The following GRTP1 variants were observed in gnomAD, a reference collection of about 807,000 sequenced individuals.
GRTP1 encodes growth hormone-regulated TBC protein 1.
Under a neutral mutation model 38.1 loss-of-function variants are expected in GRTP1, and 56 were observed. The ratio of observed to expected loss-of-function variants is 1.47; its 90% CI spans 1.19 to 1.84. The LOEUF is 1.84. Ranked by LOEUF, GRTP1 falls within the 40% of genes most tolerant of loss-of-function variation. The probability of loss-of-function intolerance (pLI) is 0.00; values close to 1 mark genes in which losing one functional copy is unlikely to be tolerated. For synonymous variants in GRTP1, 217 were observed against 189.5 expected (o/e 1.14, Z -1.19); for missense variants, 506 against 453.9 (o/e 1.11, Z -1.04).
At chr13:113,347,995 C>CT (rs2043198405) in intron 4 of GRTP1, among the ~76,000 whole-genome samples, 1 of 147,512 alleles carries the variant, frequency 6.8e-6, no homozygotes. Flanking sequence ...CCTGGGAGGA[C>CT]CTGTGTGGCT....
At chr13:113,344,760 C>G (rs886649546) in intron 5 of GRTP1, 103 bp downstream of exon 5, 14 of 413,008 alleles carry the variant, frequency 3.4e-5, no homozygotes, top group Non-Finnish European at 5.8e-5. Flanking sequence ...ATCTCCCAAA[C>G]AATTCAACCA....
At chr13:113,346,493 AGTG>A (rs1421752935) in intron 4 of GRTP1, among the ~76,000 whole-genome samples, 1 of 12,356 alleles carries the variant, frequency 8.1e-5, no homozygotes, top group African/African-American at 9.0e-5. Context: ...TGTGCCTGAC[AGTG>A]GACCCGGGAG....
chr13:113,358,131 G>C (rs1203653809), intron 2 of GRTP1, among the ~76,000 whole-genome samples: 1 of 152,156 alleles, frequency 6.6e-6, no homozygotes, highest in East Asian at 1.9e-4. Context: ...GCAGTGAGCT[G>C]AGATTGCACC....
chr13:113,327,542 G>T (rs544426263), intron 5 of GRTP1, among the ~76,000 whole-genome samples: 3 of 152,314 alleles, frequency 2.0e-5, no homozygotes, highest in African/African-American at 7.2e-5. Flanking sequence ...CAACATCACG[G>T]TCCTGTCACT....
At chr13:113,335,110 C>T (rs1380365513) in intron 5 of GRTP1, among the ~76,000 whole-genome samples, 1 of 152,104 alleles carries the variant, frequency 6.6e-6, no homozygotes, top group Non-Finnish European at 1.5e-5. Context: ...GCATGAGCAC[C>T]ATGCCTGGCC....
chr13:113,325,442 C>G, intron 7 of GRTP1: 1 of 1,445,174 alleles, frequency 6.9e-7, no homozygotes, highest in Non-Finnish European at 9.0e-7. Flanking sequence ...GAGCAGCGTC[C>G]GCAGTGCCAG....
intron 2 of GRTP1, among the ~76,000 whole-genome samples, chr13:113,356,108 G>A (rs895556068): frequency 2.6e-5 from 4 of 152,108 alleles, no homozygotes; most frequent in East Asian, 1.9e-4. Flanking sequence ...TAATTTCTTA[G>A]GCAGATGGAA....
chr13:113,347,283 C>T (rs140937707), intron 4 of GRTP1, among the ~76,000 whole-genome samples: 32 of 41,390 alleles, frequency 7.7e-4, no homozygotes, highest in South Asian at 1.5e-3. Context: ...CCCGGGAGGA[C>T]CTCTGTGGCT....
chr13:113,357,824 G>A (rs949200612), intron 2 of GRTP1, among the ~76,000 whole-genome samples: 1 of 152,174 alleles, frequency 6.6e-6, no homozygotes, highest in Non-Finnish European at 1.5e-5. Context: ...GCAGAAAGGA[G>A]AGGCCATGCA....
chr13:113,341,715 A>G (rs1157423568), intron 5 of GRTP1, among the ~76,000 whole-genome samples: 1 of 152,172 alleles, frequency 6.6e-6, no homozygotes, highest in Non-Finnish European at 1.5e-5. Context: ...ATATCGGTCT[A>G]TAAAAACTCT....
intron 2 of GRTP1, among the ~76,000 whole-genome samples, chr13:113,358,103 A>G (rs546833283): frequency 3.5e-4 from 54 of 152,248 alleles, no homozygotes; most frequent in African/African-American, 1.2e-3. Context: ...AATCGCTTGA[A>G]CCTGGGAGGC....
chr13:113,358,665 A>G (rs1216946205), intron 2 of GRTP1, among the ~76,000 whole-genome samples: 2 of 152,264 alleles, frequency 1.3e-5, no homozygotes, highest in African/African-American at 4.8e-5. Flanking sequence ...CCACACAAAC[A>G]GAACCAATTG....
Position 113,325,860 on chromosome 13 carries a change from G to A in GRTP1, c.736-14C>T, listed in dbSNP as rs752049578. 3.7e-6 allele frequency: 6 copies of A among 1,613,754 alleles called. No homozygotes were observed. Among genetic ancestry groups the A allele is most frequent in the Non-Finnish European group, 5.1e-6 (6 of 1,179,878 alleles). On this transcript the variant is annotated splice_polypyrimidine_tract_variant and intron_variant, in intron 6 of 7. Coordinates refer to ENST00000375431, the MANE Select transcript of GRTP1 (RefSeq NM_024719.4). ...CCGAAGCACTGTCTGCAGAGACATG[G>A]GAACCCGGTGTCACTCCCTGGCGGC... is the stretch of plus-strand genomic sequence containing the variant.
intron 5 of GRTP1, among the ~76,000 whole-genome samples, chr13:113,330,346 G>A (rs553090958): frequency 1.0e-3 from 131 of 129,338 alleles, no homozygotes; most frequent in African/African-American, 4.0e-3. Flanking sequence ...GTGTGTGCAT[G>A]GGAGCCCAGG....
At chr13:113,347,714 A>G (rs1320327133) in intron 4 of GRTP1, among the ~76,000 whole-genome samples, 2 of 102,098 alleles carry the variant, frequency 2.0e-5, no homozygotes, top group African/African-American at 8.3e-5. Flanking sequence ...GGCAGAGAGC[A>G]GACCCGGGAG....
At chr13:113,341,086 G>A (rs9604073) in intron 5 of GRTP1, among the ~76,000 whole-genome samples, 20 of 146,896 alleles carry the variant, frequency 1.4e-4, no homozygotes, top group African/African-American at 4.8e-4. Flanking sequence ...TCACTCTGTC[G>A]CCCAGGCTGG....
At chr13:113,336,348 A>AAAACAAACAAAC (rs61192086) in intron 5 of GRTP1, among the ~76,000 whole-genome samples, 144,622 of 149,594 alleles carry the variant, frequency 0.97, 70,046 homozygotes, top group South Asian at 1. Flanking sequence ...ATTTAATTAA[A>AAAACAAACAAAC]AAACAAACAA....
chr13:113,334,280 A>ACTGCCCCCCCCCCCCCCCCCCCCCCCCC (rs1202504022), intron 5 of GRTP1, among the ~76,000 whole-genome samples: 1 of 142,576 alleles, frequency 7.0e-6, no homozygotes, highest in Non-Finnish European at 1.5e-5. Context: ...CACTGCCACG[A>ACTGCCCCCCCCCCCCCCCCCCCCCCCCC]CAGCCTCCCG....
intron 5 of GRTP1, among the ~76,000 whole-genome samples, chr13:113,337,819 A>C (rs939359019): frequency 1.3e-5 from 2 of 152,228 alleles, no homozygotes; most frequent in Non-Finnish European, 2.9e-5. Flanking sequence ...AGGACGCAGG[A>C]AACGCACCTC....
Sources: gnomAD v4.1 joint callset for allele counts (sites outside exome capture counted in the v4.1 genomes callset) on GRCh38, gnomAD v4.1.1 for gene constraint, MANE v1.5 for transcripts, NCBI Gene and HGNC (gene_info 2026-07-23, HGNC 2026-07-21) for gene names.